The following RASGRF2 variants were observed in gnomAD, a reference collection of about 807,000 sequenced individuals.
RASGRF2 encodes the protein ras-specific guanine nucleotide-releasing factor 2.
A neutral mutation model predicts 151.0 loss-of-function variants in RASGRF2; 76 were observed. The observed-to-expected ratio is 0.50, with a 90% confidence interval of 0.42 to 0.61. RASGRF2 has a LOEUF of 0.61. Ranked by LOEUF, RASGRF2 falls within the 20% of genes least tolerant of loss-of-function variation. The pLI is 0.00. For missense variants in RASGRF2, 1,148 were observed against 1,564.6 expected (o/e 0.73, Z 4.49); for synonymous variants, 504 against 566.5 (o/e 0.89, Z 1.57).
rs1465342008 is a variant in RASGRF2 at position 81,033,714 on chromosome 5, G to A, written c.289-9163G>A. ...AAAACCCTAGAAGAAAACCTAGGCA[G>A]TACCATTCAGGACATAGGCATGGGC... On this transcript the variant is annotated intron_variant, in intron 1 of 26. Transcript: ENST00000265080. Among the ~76,000 whole-genome samples the A allele has an allele frequency of 6.6e-5, 10 of 152,174 alleles. 1 individual carries two copies. The highest frequency in any genetic ancestry group is 4.6e-4 in the Admixed American group (7 of 15,270).
chr5:81,090,771 G>A (rs1291752982), intron 9 of RASGRF2, among the ~76,000 whole-genome samples: 1 of 152,126 alleles, frequency 6.6e-6, no homozygotes, highest in Non-Finnish European at 1.5e-5. Flanking sequence ...AGCGTATTCT[G>A]TAATTTCTTT....
At chr5:81,111,873 A>G (rs1432481669) in intron 13 of RASGRF2, among the ~76,000 whole-genome samples, 1 of 152,192 alleles carries the variant, frequency 6.6e-6, no homozygotes, top group Non-Finnish European at 1.5e-5. Flanking sequence ...CAGGAGAAAG[A>G]AATAACTGCG....
chr5:81,014,946 G>A (rs191913943), intron 1 of RASGRF2, among the ~76,000 whole-genome samples: 1 of 152,080 alleles, frequency 6.6e-6, no homozygotes, highest in East Asian at 1.9e-4. Flanking sequence ...TTGAGACAGG[G>A]TCACATTCTG....
chr5:80,986,077 C>T (rs1287522863), intron 1 of RASGRF2, among the ~76,000 whole-genome samples: 1 of 152,082 alleles, frequency 6.6e-6, no homozygotes, highest in African/African-American at 2.4e-5. Flanking sequence ...AGCTAGCAAG[C>T]AGAGCTCTAC....
chr5:81,036,348 T>C (rs1204128769), intron 1 of RASGRF2, among the ~76,000 whole-genome samples: 3 of 152,152 alleles, frequency 2.0e-5, no homozygotes, highest in Non-Finnish European at 4.4e-5. Flanking sequence ...TATAATTATA[T>C]CAATAATTTT....
At chr5:80,980,035 T>A (rs1283025739) in intron 1 of RASGRF2, among the ~76,000 whole-genome samples, 1 of 152,244 alleles carries the variant, frequency 6.6e-6, no homozygotes, top group African/African-American at 2.4e-5. Context: ...TTTTCATTTT[T>A]TCATATTCTT....
rs1243971032 is a variant in RASGRF2 at position 81,170,886 on chromosome 5, C to G, written c.2687-9289C>G. Among the ~76,000 whole-genome samples, 7 of 152,260 alleles carry G rather than the reference C, an allele frequency of 4.6e-5. 1 individual carries two copies. The East Asian group carries it at 1.4e-3, about 29-fold the overall frequency. On this transcript the variant is annotated intron_variant, in intron 17 of 26. Coordinates refer to ENST00000265080, the MANE Select transcript of RASGRF2 (RefSeq NM_006909.3). ...GAAAACTCCTACCCATTGATTGGCA[C>G]AAAAATGCTCAGTAAACATTTTGTC... is the stretch of plus-strand genomic sequence containing the variant.
At position 81,153,934 on chromosome 5, in the gene RASGRF2, A is replaced by G. The variant is rs1754196156; in HGVS notation, c.2687-26241A>G. On this transcript the variant is annotated intron_variant, in intron 17 of 26. Transcript: ENST00000265080. ...CTCTACTGATAAAATAGACTGTAAG[A>G]CCAAAAAAAAAAAAAAACTTATTAA... Among the ~76,000 whole-genome samples, 6 of 133,684 alleles carry G rather than the reference A, an allele frequency of 4.5e-5. No individual in the cohort carries two copies. The Admixed American group carries it at 4.5e-4, about 10-fold the overall frequency. 87.7% of individuals were successfully genotyped at this position (133,684 alleles called of 152,430 possible). A position where few individuals can be genotyped will look rare whatever the true frequency, so the allele number is the denominator to read the frequency against.
At chr5:81,221,999 G>A (rs1007679200) in intron 26 of RASGRF2, among the ~76,000 whole-genome samples, 3 of 152,084 alleles carry the variant, frequency 2.0e-5, no homozygotes, top group Non-Finnish European at 4.4e-5. Context: ...TCTGGAGGGG[G>A]AGAAAAAAGA....
chr5:81,104,772 G>C (rs1440915574), intron 12 of RASGRF2, among the ~76,000 whole-genome samples: 3 of 152,174 alleles, frequency 2.0e-5, no homozygotes, highest in Admixed American at 6.5e-5. Flanking sequence ...AAACAGAAGA[G>C]ACACACAGCT....
At chr5:81,175,355 CT>C (rs1754751303) in intron 17 of RASGRF2, among the ~76,000 whole-genome samples, 1 of 152,188 alleles carries the variant, frequency 6.6e-6, no homozygotes, top group African/African-American at 2.4e-5. Context: ...TCTTAATGAT[CT>C]TTCCATAACA....
chr5:81,080,576 T>A lies in RASGRF2; in HGVS notation c.968-20T>A, dbSNP rs370757367. On this transcript the variant is annotated intron_variant, in intron 6 of 26. Coordinates refer to ENST00000265080, the MANE Select transcript of RASGRF2 (RefSeq NM_006909.3). ...TACCAAGCAACAAGGGAAACAGCCGTGTTTACTGTTTCTTTGCAGCTGATC... is the reference window on the plus strand; with the variant it reads ...TACCAAGCAACAAGGGAAACAGCCGAGTTTACTGTTTCTTTGCAGCTGATC... 3 of 1,600,644 alleles carry A rather than the reference T, an allele frequency of 1.9e-6. No homozygotes were observed. Among genetic ancestry groups the A allele is most frequent in the Non-Finnish European group, 2.6e-6 (3 of 1,169,192 alleles).
intron 1 of RASGRF2, among the ~76,000 whole-genome samples, chr5:81,004,198 T>C (rs1384625928): frequency 6.6e-6 from 1 of 152,234 alleles, no homozygotes; most frequent in African/African-American, 2.4e-5. Flanking sequence ...TTGAGGCCTG[T>C]AGTCAGAATA....
At chr5:81,109,428 G>T (rs1432201664) in intron 13 of RASGRF2, among the ~76,000 whole-genome samples, 1 of 152,204 alleles carries the variant, frequency 6.6e-6, no homozygotes, top group Admixed American at 6.5e-5. Flanking sequence ...GGCCGAGGCG[G>T]GTGGATTACC....
intron 17 of RASGRF2, among the ~76,000 whole-genome samples, chr5:81,158,457 G>A (rs996459201): frequency 3.3e-5 from 5 of 151,952 alleles, no homozygotes; most frequent in Non-Finnish European, 5.9e-5. Flanking sequence ...TGATACATTA[G>A]GCTTCATCAA....
Position 81,010,498 on chromosome 5 carries a change from C to T in RASGRF2, c.289-32379C>T, listed in dbSNP as rs150100492. On this transcript the variant is annotated intron_variant, in intron 1 of 26. Transcript: ENST00000265080. ...GAAAAACGCATTACTCTGGAGAGTT[C>T]GAGAGAAGTTTTGCTTTTTGAAGAT... Among the ~76,000 whole-genome samples the T allele has an allele frequency of 3.9e-3, 598 of 152,082 alleles. 4 individuals carry two copies. The highest frequency in any genetic ancestry group is 0.014 in the African/African-American group (567 of 41,468).
At position 81,075,683 on chromosome 5, in the gene RASGRF2, G is replaced by A. The variant is rs79593535; in HGVS notation, c.887+2231G>A. On this transcript the variant is annotated intron_variant, in intron 5 of 26. Transcript: ENST00000265080. The stretch of plus-strand genomic sequence containing the variant: ...ATGGTAAAGATTGAGTGAAGAACAG[G>A]CTGAGGGGAAAAGATGACTTTTCTC... Among the ~76,000 whole-genome samples the A allele has an allele frequency of 2.9e-3, 438 of 152,310 alleles. 1 individual carries two copies. The highest frequency in any genetic ancestry group is 0.01 in the African/African-American group (416 of 41,566).
In RASGRF2 at chr5:81,113,717, G is replaced by C. The variant is rs1006144432; in HGVS notation, c.2267G>C (p.Gly756Ala). 3.1e-6 allele frequency: 5 copies of C among 1,613,824 alleles called. No individual in the cohort carries two copies. In the African/African-American group the frequency reaches 4.0e-5, roughly 13 times the overall value. ...ACTTCTCCCTTGAACTCAAAGATAG[G>C]AGCATTGGACCTGACAACTTCCAGC... ...SLTSPLNSKI[G>A]ALDLTTSSSP... Residue 756 changes from glycine (G) to alanine (A), a missense_variant, in exon 15 of 27, where the codon GGA becomes GCA. Coordinates refer to ENST00000265080, the MANE Select transcript of RASGRF2 (RefSeq NM_006909.3).
intron 2 of RASGRF2, among the ~76,000 whole-genome samples, chr5:81,050,740 C>T (rs1750984771): frequency 6.6e-6 from 1 of 152,168 alleles, no homozygotes; most frequent in Non-Finnish European, 1.5e-5. Context: ...TCTTTGAGCC[C>T]TCACTGTAAC....
Sources: allele counts gnomAD v4.1 joint callset (sites outside exome capture counted in the v4.1 genomes callset), GRCh38; gene constraint gnomAD v4.1.1; transcripts MANE v1.5; gene names NCBI Gene and HGNC (gene_info 2026-07-23, HGNC 2026-07-21).